The following APOBEC3B variants were observed in gnomAD, a reference collection of about 807,000 sequenced individuals.
The protein encoded by APOBEC3B is DNA dC->dU-editing enzyme APOBEC-3B.
Under a neutral mutation model 53.4 loss-of-function variants are expected in APOBEC3B, and 29 were observed. That is an observed-to-expected ratio of 0.54 (90% CI 0.40 to 0.74). The LOEUF (loss-of-function observed/expected upper bound fraction) is 0.74, where lower values mean the gene tolerates loss of function less well. Among genes scored for constraint, APOBEC3B ranks in the 30% least tolerant of loss-of-function variants. The pLI is 0.00. For synonymous variants in APOBEC3B, 132 were observed against 184.8 expected, an observed-to-expected ratio of 0.71 and a Z score of 2.32; for missense variants, 347 against 496.2, an observed-to-expected ratio of 0.70 and a Z score of 2.86.
chr22:38,986,032 G>T lies in APOBEC3B; in HGVS notation c.395G>T (p.Arg132Leu). Reference sequence around the variant, plus strand: ...TACTACTACTGGGAAAGAGATTACCGAAGGGCGCTCTGCAGGCTGAGTCAG... The same window carrying T: ...TACTACTACTGGGAAAGAGATTACCTAAGGGCGCTCTGCAGGCTGAGTCAG... Reference protein sequence around the residue: ...RLYYYWERDYRRALCRLSQAG... With the variant: ...RLYYYWERDYLRALCRLSQAG... The change falls in exon 3 of 8, where the codon CGA (arginine) becomes CTA (leucine). Residue 132 changes from arginine to leucine, a missense_variant. This residue lies in a region of APOBEC3B where 156 missense variants were observed against 166.7 expected (regional missense o/e 0.94). Transcript: ENST00000333467. 6.3e-7 allele frequency: 1 copy of T among 1,593,096 alleles called. No individual in the cohort carries two copies.
intron 1 of APOBEC3B, among the ~76,000 whole-genome samples, chr22:38,983,758 G>A (rs1293853865): frequency 6.7e-6 from 1 of 149,142 alleles, no homozygotes; most frequent in Non-Finnish European, 1.5e-5. Flanking sequence ...TAGGGGTGAA[G>A]GGTTTTATTC....
At chr22:38,982,959 G>A (rs1235057687) in intron 1 of APOBEC3B, among the ~76,000 whole-genome samples, 1 of 148,632 alleles carries the variant, frequency 6.7e-6, no homozygotes, top group Non-Finnish European at 1.5e-5. Flanking sequence ...GTCATCCAAG[G>A]ATGACTCCAT....
In APOBEC3B at chr22:38,990,305, G is replaced by A. The variant is rs1054774800; in HGVS notation, c.723+695G>A. Among the ~76,000 whole-genome samples the A allele has an allele frequency of 1.4e-5, 2 of 147,684 alleles. 1 individual carries two copies. Among genetic ancestry groups the A allele is most frequent in the Non-Finnish European group, 3.0e-5 (2 of 67,124 alleles). On this transcript the variant is annotated intron_variant, in intron 5 of 7. Transcript: ENST00000333467. ...CACTGCTTGGAACATCCTTTCAAGGGTGCCAGTCTCCATCACCGCCTAAGC... is the reference window on the plus strand; with the variant it reads ...CACTGCTTGGAACATCCTTTCAAGGATGCCAGTCTCCATCACCGCCTAAGC...
Position 38,990,336 on chromosome 22 carries a change from G to A in APOBEC3B, c.723+726G>A, listed in dbSNP as rs1384926771. On this transcript the variant is annotated intron_variant, in intron 5 of 7. Transcript: ENST00000333467. Reference sequence around the variant, plus strand: ...GTCTCCATCACCGCCTAAGCAGTGGGACTCCCCCAGGAATGACCCACAGCC... The same window carrying A: ...GTCTCCATCACCGCCTAAGCAGTGGAACTCCCCCAGGAATGACCCACAGCC... 3.4e-5 allele frequency among the ~76,000 whole-genome samples: 5 copies of A among 147,250 alleles called. 1 individual carries two copies. The East Asian group carries it at 1.2e-3, about 34-fold the overall frequency.
At position 38,992,729 on chromosome 22, in the gene APOBEC3B, T is replaced by G. The variant is rs1425958784; in HGVS notation, c.*284T>G. On this transcript the variant is annotated 3_prime_UTR_variant, in exon 8 of 8. Coordinates refer to ENST00000333467, the MANE Select transcript of APOBEC3B (RefSeq NM_004900.5). ...ATGAAGTGATTAATTGGCTCCATAT[T>G]TAGACTAATAAAACATTAAGAATCT... 2.5e-6 allele frequency: 2 copies of G among 804,808 alleles called. No homozygotes were observed. The highest frequency in any genetic ancestry group is 3.8e-6 in the Non-Finnish European group (2 of 523,716). The allele number at this position is 804,808 out of a possible 1,614,324, so 49.9% of individuals were successfully genotyped here. A position where few individuals can be genotyped will look rare whatever the true frequency, so the allele number is the denominator to read the frequency against.
intron 2 of APOBEC3B, among the ~76,000 whole-genome samples, chr22:38,985,171 G>T (rs1923685723): frequency 1.3e-5 from 2 of 148,198 alleles, no homozygotes; most frequent in South Asian, 4.4e-4. Context: ...AAGTGCTGGG[G>T]TTACAAGCAT....
At chr22:38,988,706 T>C (rs1256849018) in intron 4 of APOBEC3B, among the ~76,000 whole-genome samples, 15 of 127,276 alleles carry the variant, frequency 1.2e-4, no homozygotes, top group African/African-American at 4.5e-4. Flanking sequence ...TCTTTCTTTC[T>C]TTCTTTCTTT....
intron 5 of APOBEC3B, among the ~76,000 whole-genome samples, chr22:38,990,677 A>G (rs1391705168): frequency 2.0e-5 from 3 of 147,878 alleles, no homozygotes; most frequent in Non-Finnish European, 4.5e-5. Context: ...TGGGCTCAGC[A>G]CAGGTTGTGG....
rs12168097 is a variant in APOBEC3B, at chr22:38,988,656, C to G, written c.570-801C>G. 2.4e-4 allele frequency among the ~76,000 whole-genome samples: 18 copies of G among 76,378 alleles called. 2 individuals are homozygous for G. The highest frequency in any genetic ancestry group is 6.5e-4 in the Admixed American group (4 of 6,146). 50.1% of individuals were successfully genotyped at this position (76,378 alleles called of 152,430 possible). Reference sequence around the variant, plus strand: ...TCCTCCCTTCCTTCCTTCCTTCCTTCCTTGCTTCCTCTCTCTTTCTCTCTT... The same window carrying G: ...TCCTCCCTTCCTTCCTTCCTTCCTTGCTTGCTTCCTCTCTCTTTCTCTCTT... On this transcript the variant is annotated intron_variant, in intron 4 of 7. Transcript: ENST00000333467.
chr22:38,991,074 A>G (rs1923970983), intron 5 of APOBEC3B, among the ~76,000 whole-genome samples: 1 of 147,632 alleles, frequency 6.8e-6, no homozygotes, highest in South Asian at 2.2e-4. Flanking sequence ...TCCTGTGTAT[A>G]TTGGAGCTGG....
At chr22:38,984,675 T>C (rs548234120) in intron 2 of APOBEC3B, among the ~76,000 whole-genome samples, 3 of 148,350 alleles carry the variant, frequency 2.0e-5, no homozygotes, top group Non-Finnish European at 4.5e-5. Flanking sequence ...GGGTGGTGTC[T>C]GGAGCCCATT....
chr22:38,984,251 C>A lies in APOBEC3B; in HGVS notation c.174+20C>A. 5.0e-6 allele frequency: 8 copies of A among 1,587,256 alleles called. 1 individual carries two copies. The highest frequency in any genetic ancestry group is 3.4e-5 in the South Asian group (3 of 87,956). ...GGCCAGGTACCACCCAAACTTCAAT[C>A]GAATCACAGGCAGTGTTGCAGGAAT... is the stretch of plus-strand genomic sequence containing the variant. On this transcript the variant is annotated intron_variant, in intron 2 of 7. Coordinates refer to ENST00000333467, the MANE Select transcript of APOBEC3B (RefSeq NM_004900.5).
intron 4 of APOBEC3B, among the ~76,000 whole-genome samples, chr22:38,988,683 C>CTCTCTCTCTTTCTT (rs1555894372): frequency 2.1e-4 from 10 of 47,526 alleles, no homozygotes; most frequent in Non-Finnish European, 2.7e-4. Context: ...TTCTCTCTTT[C>CTCTCTCTCTTTCTT]TCTTTCTTTC....
rs886204276 is a variant in APOBEC3B at position 38,987,113 on chromosome 22, T to C, written c.569+701T>C. On this transcript the variant is annotated intron_variant, in intron 4 of 7. Coordinates refer to ENST00000333467, the MANE Select transcript of APOBEC3B (RefSeq NM_004900.5). ...AGGGCCCTGGAAGATAGAAATAGAA[T>C]CCAAACCCAGGACTAACATCAGGGC... 1.6e-4 allele frequency among the ~76,000 whole-genome samples: 24 copies of C among 148,284 alleles called. 5 individuals are homozygous for C. Among genetic ancestry groups the C allele is most frequent in the Admixed American group, 1.0e-3 (15 of 14,514 alleles).
At chr22:38,985,663 A>C in intron 2 of APOBEC3B, 149 bp from the exon 3 acceptor site, 1 of 708,352 alleles carries the variant, frequency 1.4e-6, no homozygotes, top group Non-Finnish European at 2.3e-6. Context: ...GCAGACAATC[A>C]CTCAAACTAA....
chr22:38,985,261 C>G lies in APOBEC3B; in HGVS notation c.175-551C>G, dbSNP rs1179961399. Among the ~76,000 whole-genome samples, 8 of 147,914 alleles carry G rather than the reference C, an allele frequency of 5.4e-5. No individual in the cohort carries two copies. In the South Asian group the frequency reaches 8.9e-4, roughly 17 times the overall value. ...TTGGTTTTTTTTTAAGACTGAGTTT[C>G]ACTCTTTGTTGCCTGGGCTGGAGTG... On this transcript the variant is annotated intron_variant, in intron 2 of 7. Transcript: ENST00000333467.
intron 6 of APOBEC3B, 30 bp from the exon 7 acceptor site, chr22:38,992,004 G>T (rs1305456515): frequency 6.5e-7 from 1 of 1,544,632 alleles, no homozygotes; most frequent in South Asian, 1.2e-5. Context: ...CACAACAGGA[G>T]CGTGACTTAT....
intron 4 of APOBEC3B, among the ~76,000 whole-genome samples, chr22:38,988,584 A>G (rs1402305928): frequency 3.4e-5 from 5 of 147,564 alleles, no homozygotes; most frequent in African/African-American, 9.9e-5. Flanking sequence ...CCAGATTCAT[A>G]CCCAGGTCTA....
intron 2 of APOBEC3B, among the ~76,000 whole-genome samples, chr22:38,984,443 G>A (rs1308778781): frequency 6.7e-6 from 1 of 148,708 alleles, no homozygotes; most frequent in African/African-American, 2.4e-5. Context: ...ACAGTGACAG[G>A]TCACATAATC....
Sources: gnomAD v4.1 joint callset for allele counts (sites outside exome capture counted in the v4.1 genomes callset) on GRCh38, gnomAD v4.1.1 for gene constraint, gnomAD v4.1.1 regional missense constraint, MANE v1.5 for transcripts, NCBI Gene and HGNC (gene_info 2026-07-23, HGNC 2026-07-21) for gene names.